The following CEMIP variants were observed in gnomAD, a reference collection of about 807,000 sequenced individuals.
CEMIP encodes cell migration-inducing and hyaluronan-binding protein.
A neutral mutation model predicts 156.9 loss-of-function variants in CEMIP; 105 were observed. The observed-to-expected ratio is 0.67, with a 90% confidence interval of 0.57 to 0.79. The LOEUF is 0.79. CEMIP is among the 30% of genes least tolerant of loss of function. The pLI is 0.00. For missense variants in CEMIP, 1,457 were observed against 1,769.4 expected (o/e 0.82, Z 3.17); for synonymous variants, 676 against 668.4 (o/e 1.01, Z -0.17).
intron 23 of CEMIP, 137 bp from the exon 24 acceptor site, chr15:80,936,537 T>G: frequency 1.2e-6 from 1 of 811,392 alleles, no homozygotes; most frequent in Non-Finnish European, 2.1e-6. Flanking sequence ...CTTTCTTTCA[T>G]TCAAGCCTTC....
chr15:80,933,195 A>G (rs1390550860), intron 22 of CEMIP, 50 bp from the exon 23 acceptor site: 1 of 1,490,328 alleles, frequency 6.7e-7, no homozygotes, highest in Non-Finnish European at 9.4e-7. Context: ...TGACGGCTGC[A>G]GTTTCCCTTC....
chr15:80,862,477 C>G (rs1898011952), intron 1 of CEMIP, among the ~76,000 whole-genome samples: 1 of 152,192 alleles, frequency 6.6e-6, no homozygotes, highest in South Asian at 2.1e-4. Context: ...GAGCAGCATT[C>G]ATTACCAGGT....
Position 80,900,585 on chromosome 15 carries a change from GGTGTGTGTGTGTGT to G in CEMIP, c.1411+4576_1411+4589del, listed in dbSNP as rs57724852. The stretch of plus-strand genomic sequence containing the variant: ...CAGCACCAGAAAAGCCCCAGGTAGG[GGTGTGTGTGTGTGT>G]GTGTGTGTGTGTGTGTGTGTGTGTG... On this transcript the variant is annotated intron_variant, in intron 12 of 29. Transcript: ENST00000394685. 6.9e-3 allele frequency among the ~76,000 whole-genome samples: 517 copies of G among 74,974 alleles called. 3 individuals are homozygous for G. The highest frequency in any genetic ancestry group is 0.018 in the African/African-American group (311 of 17,470). 49.2% of individuals were successfully genotyped at this position (74,974 alleles called of 152,430 possible). A position where few individuals can be genotyped will look rare whatever the true frequency, so the allele number is the denominator to read the frequency against.
intron 1 of CEMIP, among the ~76,000 whole-genome samples, chr15:80,815,239 C>T (rs987525693): frequency 6.6e-6 from 1 of 152,248 alleles, no homozygotes; most frequent in African/African-American, 2.4e-5. Flanking sequence ...GCCTCAGCCT[C>T]TCTGAGATTA....
At chr15:80,787,938 A>G (rs1276901185) in intron 1 of CEMIP, among the ~76,000 whole-genome samples, 1 of 152,140 alleles carries the variant, frequency 6.6e-6, no homozygotes, top group Non-Finnish European at 1.5e-5. Context: ...TCTTAGTCCA[A>G]AGCATTACTT....
At chr15:80,852,734 C>T (rs935197035) in intron 1 of CEMIP, among the ~76,000 whole-genome samples, 1 of 152,146 alleles carries the variant, frequency 6.6e-6, no homozygotes, top group Non-Finnish European at 1.5e-5. Context: ...CCCTGGAGAA[C>T]AGCCAGGTAA....
chr15:80,792,046 G>A (rs1162764209), intron 1 of CEMIP, among the ~76,000 whole-genome samples: 2 of 152,174 alleles, frequency 1.3e-5, no homozygotes, highest in African/African-American at 2.4e-5. Context: ...GGTGATTTTA[G>A]CAAAATAAAC....
At chr15:80,901,519 T>G (rs886588564) in intron 12 of CEMIP, among the ~76,000 whole-genome samples, 8 of 151,910 alleles carry the variant, frequency 5.3e-5, no homozygotes, top group African/African-American at 1.9e-4. Flanking sequence ...CTGGCCAACA[T>G]AGTGAAACCC....
At chr15:80,901,102 T>C in intron 12 of CEMIP, 1 of 387,776 alleles carries the variant, frequency 2.6e-6, no homozygotes, top group Non-Finnish European at 5.2e-6. Context: ...TCCCTTGATT[T>C]TCCACCCTGT....
In CEMIP at chr15:80,948,901, G is replaced by A. The variant is rs1567115679; in HGVS notation, c.4063G>A (p.Val1355Met). ...AKIFQVVPIP[V>M]VKKKKL ...AATCTTCCAAGTTGTGCCCATCCCT[G>A]TGGTGAAGAAGAAGAAGTTGTGAGG... is the stretch of plus-strand genomic sequence containing the variant. Residue 1355 changes from valine (V) to methionine (M), a missense_variant, in exon 30 of 30, where the codon GTG (valine) becomes ATG (methionine). Around this residue, in one of 5 missense-constraint regions of CEMIP, gnomAD observed 798 missense variants for 980.1 expected, o/e 0.81. Transcript: ENST00000394685. The A allele has an allele frequency of 6.2e-7, 1 of 1,614,210 alleles. No homozygotes were observed.
At chr15:80,921,943 C>T in intron 16 of CEMIP, 66 bp from the exon 17 acceptor site, 1 of 1,610,340 alleles carries the variant, frequency 6.2e-7, no homozygotes, top group Non-Finnish European at 8.5e-7. Context: ...GGCCGCGTGG[C>T]CACCTTGCCC....
At chr15:80,816,827 G>C (rs1307255016) in intron 1 of CEMIP, among the ~76,000 whole-genome samples, 1 of 152,100 alleles carries the variant, frequency 6.6e-6, no homozygotes, top group Non-Finnish European at 1.5e-5. Flanking sequence ...CAAACCAGGT[G>C]AGCAATGAAT....
At chr15:80,787,755 G>C (rs1895976594) in intron 1 of CEMIP, among the ~76,000 whole-genome samples, 1 of 152,230 alleles carries the variant, frequency 6.6e-6, no homozygotes, top group Non-Finnish European at 1.5e-5. Context: ...GGCCAGTGGT[G>C]AACCTGAGCC....
intron 25 of CEMIP, 141 bp from the exon 26 acceptor site, chr15:80,941,708 G>A (rs773214350): frequency 1.6e-5 from 12 of 729,984 alleles, no homozygotes; most frequent in South Asian, 4.4e-5. Context: ...CATGCAACTC[G>A]GTGGTAGACA....
intron 1 of CEMIP, among the ~76,000 whole-genome samples, chr15:80,870,784 T>C (rs531389322): frequency 6.6e-6 from 1 of 152,322 alleles, no homozygotes; most frequent in East Asian, 1.9e-4. Context: ...TTGTGAAGAC[T>C]TGTGGAATAT....
chr15:80,780,151 G>A (rs567376569), intron 1 of CEMIP, among the ~76,000 whole-genome samples: 122 of 152,290 alleles, frequency 8.0e-4, no homozygotes, highest in South Asian at 1.7e-3. Context: ...AGTGCCTCCG[G>A]GACAGCGCTA....
intron 1 of CEMIP, among the ~76,000 whole-genome samples, chr15:80,780,046 C>T (rs1176887769): frequency 6.6e-6 from 1 of 152,140 alleles, no homozygotes; most frequent in Non-Finnish European, 1.5e-5. Flanking sequence ...GGAGCCAGCT[C>T]ACGCCGAGCT....
chr15:80,924,818 G>A, intron 18 of CEMIP, 112 bp downstream of exon 18: 4 of 982,892 alleles, frequency 4.1e-6, no homozygotes, highest in Non-Finnish European at 6.4e-6. Flanking sequence ...CCCTTGCTTT[G>A]TGCTGGGCTT....
intron 1 of CEMIP, among the ~76,000 whole-genome samples, chr15:80,868,986 A>G (rs1346683246): frequency 6.6e-6 from 1 of 152,208 alleles, no homozygotes; most frequent in African/African-American, 2.4e-5. Flanking sequence ...GAATTCAACA[A>G]CAGAAATGTA....
Sources: allele counts gnomAD v4.1 joint callset (sites outside exome capture counted in the v4.1 genomes callset), GRCh38; gene constraint gnomAD v4.1.1; regional missense constraint gnomAD v4.1.1; transcripts MANE v1.5; gene names NCBI Gene and HGNC (gene_info 2026-07-23, HGNC 2026-07-21).